Variants in UNC5C observed in about 807,000 individuals in gnomAD.
The protein encoded by UNC5C is unc-5 netrin receptor C.
A neutral mutation model predicts 99.8 loss-of-function variants in UNC5C; 47 were observed. The ratio of observed to expected loss-of-function variants is 0.47; its 90% CI spans 0.37 to 0.60. UNC5C has a LOEUF of 0.60. Ranked by LOEUF, UNC5C falls within the 20% of genes least tolerant of loss-of-function variation. UNC5C has a pLI of 0.00. For synonymous variants in UNC5C, 487 were observed against 452.2 expected (o/e 1.08, Z -0.98); for missense variants, 1,062 against 1,165.9 (o/e 0.91, Z 1.30).
At chr4:95,545,815 C>A (rs1723045821) in intron 1 of UNC5C, among the ~76,000 whole-genome samples, 1 of 151,668 alleles carries the variant, frequency 6.6e-6, no homozygotes, top group Admixed American at 6.6e-5. Context: ...CTAGTAAAAT[C>A]TTTCATTCTT....
chr4:95,249,337 A>G (rs1459826446), intron 5 of UNC5C, among the ~76,000 whole-genome samples: 1 of 152,262 alleles, frequency 6.6e-6, no homozygotes, highest in African/African-American at 2.4e-5. Flanking sequence ...AGTCAGTAAG[A>G]CTCCAAGGCC....
intron 2 of UNC5C, among the ~76,000 whole-genome samples, chr4:95,302,551 G>C (rs535254442): frequency 3.9e-5 from 6 of 152,230 alleles, no homozygotes; most frequent in African/African-American, 1.4e-4. Context: ...CCCTGAGCAA[G>C]AGGGGTTATC....
At chr4:95,404,315 A>T (rs1438764922) in intron 1 of UNC5C, among the ~76,000 whole-genome samples, 1 of 152,150 alleles carries the variant, frequency 6.6e-6, no homozygotes, top group East Asian at 1.9e-4. Context: ...GCTGGTATTG[A>T]TGAAACTCAT....
intron 7 of UNC5C, among the ~76,000 whole-genome samples, chr4:95,230,870 T>C (rs1445140955): frequency 6.6e-6 from 1 of 152,118 alleles, no homozygotes; most frequent in Non-Finnish European, 1.5e-5. Flanking sequence ...TTTCTTCCTT[T>C]GTAAAAGAGA....
intron 14 of UNC5C, among the ~76,000 whole-genome samples, chr4:95,179,755 A>AAG (rs2149348861): frequency 6.6e-6 from 1 of 151,556 alleles, no homozygotes; most frequent in Admixed American, 6.6e-5. Context: ...TCAAAAAAAA[A>AAG]AAAAAAAAAA....
intron 3 of UNC5C, among the ~76,000 whole-genome samples, chr4:95,290,835 A>G (rs1000720440): frequency 5.9e-5 from 9 of 152,206 alleles, no homozygotes; most frequent in African/African-American, 1.7e-4. Context: ...TACCACAAAC[A>G]CTTTCATAAT....
intron 5 of UNC5C, chr4:95,247,933 G>A (rs1237365131): frequency 1.3e-5 from 2 of 152,298 alleles, no homozygotes; most frequent in Non-Finnish European, 2.9e-5. Context: ...CTTTCAGGCA[G>A]TTTAAAAAGA....
At chr4:95,406,125 A>C (rs1745823857) in intron 1 of UNC5C, among the ~76,000 whole-genome samples, 1 of 152,180 alleles carries the variant, frequency 6.6e-6, no homozygotes, top group Non-Finnish European at 1.5e-5. Flanking sequence ...ACGAGGACTG[A>C]AAAAAACAGG....
At chr4:95,448,223 TGTGTGA>T (rs1560836815) in intron 1 of UNC5C, among the ~76,000 whole-genome samples, 17 of 108,010 alleles carry the variant, frequency 1.6e-4, no homozygotes, top group African/African-American at 4.4e-4. Context: ...TGTGTGTGTG[TGTGTGA>T]GAGAGAGAGA....
chr4:95,361,860 T>C (rs6532552), intron 1 of UNC5C, among the ~76,000 whole-genome samples: 53,987 of 151,926 alleles, frequency 0.36, 11,077 homozygotes, highest in African/African-American at 0.55. Context: ...AATAGTCTTA[T>C]GATTCTAATG....
intron 1 of UNC5C, among the ~76,000 whole-genome samples, chr4:95,503,575 TATC>T (rs1274452692): frequency 6.6e-6 from 1 of 152,178 alleles, no homozygotes; most frequent in African/African-American, 2.4e-5. Context: ...TTTTTTCTAA[TATC>T]ATCTGGCTGC....
intron 12 of UNC5C, among the ~76,000 whole-genome samples, chr4:95,200,276 T>TC (rs1179671060): frequency 2.0e-5 from 3 of 152,358 alleles, no homozygotes; most frequent in African/African-American, 7.2e-5. Flanking sequence ...TCATTTTTCT[T>TC]CCATTTCTAT....
intron 12 of UNC5C, among the ~76,000 whole-genome samples, chr4:95,186,631 AT>A (rs1318383346): frequency 4.6e-5 from 7 of 152,224 alleles, no homozygotes; most frequent in African/African-American, 1.2e-4. Context: ...GTGTAAAAAA[AT>A]ATTAGGATAA....
At chr4:95,232,535 T>A (rs1738950677) in intron 7 of UNC5C, among the ~76,000 whole-genome samples, 1 of 152,154 alleles carries the variant, frequency 6.6e-6, no homozygotes, top group Non-Finnish European at 1.5e-5. Flanking sequence ...TGCACCCCCG[T>A]GATCTCGAAG....
chr4:95,183,100 A>G (rs1419640472), intron 13 of UNC5C, 39 bp from the exon 14 acceptor site: 1 of 1,567,700 alleles, frequency 6.4e-7, no homozygotes, highest in Admixed American at 1.7e-5. Context: ...TTGAAGGACT[A>G]ATACCAAAAA....
chr4:95,314,180 T>C (rs973766773), intron 2 of UNC5C, among the ~76,000 whole-genome samples: 1 of 152,126 alleles, frequency 6.6e-6, no homozygotes, highest in African/African-American at 2.4e-5. Context: ...CATACCCAGA[T>C]GAGAAAGACA....
In UNC5C at chr4:95,220,002, A is replaced by G; in HGVS notation, c.1283T>C (p.Ile428Thr). The change falls in exon 8 of 16, where the codon ATC (isoleucine) becomes ACC (threonine). Residue 428 changes from isoleucine to threonine, a missense_variant. Ile to Thr is a moderately conservative substitution (Grantham distance 89, BLOSUM62 -1). Transcript: ENST00000453304. ...CAACTGACCTTGTCTTGCTGCCTTGATGTTCACAGGCTGAAAGCCCCCATT... is the reference window on the plus strand; with the variant it reads ...CAACTGACCTTGTCTTGCTGCCTTGGTGTTCACAGGCTGAAAGCCCCCATT... ...ALNGGFQPVNIKAARQDLLAV... is the reference protein window; with the variant it reads ...ALNGGFQPVNTKAARQDLLAV... 2 of 1,613,960 alleles carry G rather than the reference A, an allele frequency of 1.2e-6. No homozygotes were observed. Among genetic ancestry groups the G allele is most frequent in the Non-Finnish European group, 1.7e-6 (2 of 1,179,872 alleles).
chr4:95,543,792 G>A (rs1367121449), intron 1 of UNC5C, among the ~76,000 whole-genome samples: 7 of 152,104 alleles, frequency 4.6e-5, no homozygotes, highest in Admixed American at 2.6e-4. Flanking sequence ...GTGACTTAAC[G>A]TGTCATTTTT....
At chr4:95,204,895 T>C (rs1353147403) in intron 11 of UNC5C, among the ~76,000 whole-genome samples, 1 of 152,224 alleles carries the variant, frequency 6.6e-6, no homozygotes, top group East Asian at 1.9e-4. Flanking sequence ...ATAAGAGCTG[T>C]GTTTTAATAG....
Sources: gnomAD v4.1 joint callset for allele counts (sites outside exome capture counted in the v4.1 genomes callset) on GRCh38, gnomAD v4.1.1 for gene constraint, MANE v1.5 for transcripts, NCBI Gene and HGNC (gene_info 2026-07-23, HGNC 2026-07-21) for gene names.